Variants in DLG1 observed in about 807,000 individuals in gnomAD.
The protein encoded by DLG1 is disks large homolog 1.
A neutral mutation model predicts 123.4 loss-of-function variants in DLG1; 42 were observed. The observed-to-expected ratio is 0.34, with a 90% CI of 0.27 to 0.44. DLG1 has a LOEUF of 0.44. Among genes scored for constraint, DLG1 ranks in the 20% least tolerant of loss-of-function variants. The probability of loss-of-function intolerance (pLI) is 1.00; values close to 1 mark genes in which losing one functional copy is unlikely to be tolerated. For missense variants in DLG1, 942 were observed against 1,082.6 expected, an observed-to-expected ratio of 0.87 and a Z score of 1.82; for synonymous variants, 317 against 356.2, an observed-to-expected ratio of 0.89 and a Z score of 1.24.
chr3:197,259,672 A>C (rs1758476287), intron 4 of DLG1, among the ~76,000 whole-genome samples: 1 of 152,192 alleles, frequency 6.6e-6, no homozygotes, highest in African/African-American at 2.4e-5. Flanking sequence ...AAATAAAAGA[A>C]GCCAAACTTA....
chr3:197,163,687 A>ATTTTTTTTTTTTTTTTTTTTTTTTT (rs56865627), intron 5 of DLG1, among the ~76,000 whole-genome samples: 1 of 102,034 alleles, frequency 9.8e-6, no homozygotes, highest in Non-Finnish European at 1.9e-5. Flanking sequence ...ATGCTCAGCT[A>ATTTTTTTTTTTTTTTTTTTTTTTTT]TTTTTTTTTT....
At chr3:197,258,053 A>C (rs1213942751) in intron 4 of DLG1, among the ~76,000 whole-genome samples, 2 of 152,226 alleles carry the variant, frequency 1.3e-5, no homozygotes, top group South Asian at 4.1e-4. Context: ...AGTACATAAA[A>C]ATGTATATAA....
chr3:197,157,526 T>C (rs1796907039), intron 5 of DLG1, among the ~76,000 whole-genome samples: 1 of 152,078 alleles, frequency 6.6e-6, no homozygotes, highest in Non-Finnish European at 1.5e-5. Context: ...CTATAAAACA[T>C]GTATGAAAGA....
At chr3:197,113,874 T>C (rs1273747884) in intron 13 of DLG1, among the ~76,000 whole-genome samples, 2 of 152,174 alleles carry the variant, frequency 1.3e-5, no homozygotes, top group Non-Finnish European at 2.9e-5. Flanking sequence ...TTTCAGCTTC[T>C]TGGGAGGCTC....
chr3:197,183,970 T>C, intron 5 of DLG1: 1 of 1,425,288 alleles, frequency 7.0e-7, no homozygotes, highest in Non-Finnish European at 9.1e-7. Flanking sequence ...CAGTGATTTC[T>C]TCCTATGAAA....
At chr3:197,287,695 T>C (rs1772537531) in intron 3 of DLG1, among the ~76,000 whole-genome samples, 1 of 152,180 alleles carries the variant, frequency 6.6e-6, no homozygotes, top group East Asian at 1.9e-4. Flanking sequence ...AATTAAAGAC[T>C]TTCTTACAGC....
At chr3:197,154,978 G>A (rs925081741) in intron 5 of DLG1, among the ~76,000 whole-genome samples, 4 of 152,164 alleles carry the variant, frequency 2.6e-5, no homozygotes, top group African/African-American at 9.7e-5. Context: ...CATTGTGGGA[G>A]TTGCATGAGA....
chr3:197,180,069 G>GC (rs1491063051), intron 5 of DLG1, among the ~76,000 whole-genome samples: 2 of 39,512 alleles, frequency 5.1e-5, no homozygotes, highest in African/African-American at 1.7e-4. Flanking sequence ...TTTTTTTTTG[G>GC]GGGGGGGGGG....
intron 16 of DLG1, among the ~76,000 whole-genome samples, chr3:197,081,635 T>C (rs1751187937): frequency 6.6e-6 from 1 of 152,058 alleles, no homozygotes; most frequent in South Asian, 2.1e-4. Context: ...TTAAGCCTAA[T>C]TTTAATGATA....
Position 197,262,657 on chromosome 3 carries a change from T to G in DLG1, c.318+20022A>C, listed in dbSNP as rs1759922564. ...GACACTATACTTCAGAGACTACTACTATCTCCAAGTAGACACTGCCAGAAC... is the reference window on the plus strand; with the variant it reads ...GACACTATACTTCAGAGACTACTACGATCTCCAAGTAGACACTGCCAGAAC... On this transcript the variant is annotated intron_variant, in intron 4 of 24. Transcript: ENST00000667157. Among the ~76,000 whole-genome samples the G allele has an allele frequency of 3.3e-5, 5 of 152,298 alleles. No homozygotes were observed. The South Asian group carries it at 1.0e-3, about 32-fold the overall frequency.
rs138895581 is a variant in DLG1, at chr3:197,143,097, T to C, written c.538-329A>G. On this transcript the variant is annotated intron_variant, in intron 6 of 24. Coordinates refer to ENST00000667157, the MANE Select transcript of DLG1 (RefSeq NM_001366207.1). ...TGTTTCTGATTTGAACACCTTAATT[T>C]TTTGGAAAATCATCACCTCTTCACT... Among the ~76,000 whole-genome samples, 1,482 of 152,270 alleles carry C rather than the reference T, an allele frequency of 9.7e-3. 18 individuals carry two copies. Among genetic ancestry groups the C allele is most frequent in the African/African-American group, 0.023 (961 of 41,550 alleles).
intron 16 of DLG1, among the ~76,000 whole-genome samples, chr3:197,084,157 A>C (rs144926468): frequency 4.5e-4 from 69 of 152,292 alleles, no homozygotes; most frequent in African/African-American, 1.6e-3. Flanking sequence ...CAAAAATACA[A>C]AATTTAAGTC....
At chr3:197,275,231 T>A (rs146605059) in intron 4 of DLG1, among the ~76,000 whole-genome samples, 2 of 151,342 alleles carry the variant, frequency 1.3e-5, no homozygotes, top group South Asian at 2.1e-4. Flanking sequence ...CCACTTAATA[T>A]GGCTATTATC....
Position 197,138,340 on chromosome 3 carries a change from T to G in DLG1, c.765A>C (p.Thr255=). The G allele has an allele frequency of 6.3e-7, 1 of 1,581,714 alleles. No homozygotes were observed. Among genetic ancestry groups the G allele is most frequent in the East Asian group, 2.3e-5 (1 of 44,122 alleles). Reference sequence around the variant, plus strand: ...TCAACGCTTCAACTGCTTTGCTATGTGTTACATCACGAACATCTACTTCAT... The same window carrying G: ...TCAACGCTTCAACTGCTTTGCTATGGGTTACATCACGAACATCTACTTCAT... ...RVNEVDVRDV[T]HSKAVEALKE... Residue 255 remains threonine (T), a synonymous_variant, in exon 9 of 25, where the codon ACA becomes ACC. Coordinates refer to ENST00000667157, the MANE Select transcript of DLG1 (RefSeq NM_001366207.1).
chr3:197,271,108 C>A (rs988062276), intron 4 of DLG1, among the ~76,000 whole-genome samples: 1 of 152,078 alleles, frequency 6.6e-6, no homozygotes, highest in Non-Finnish European at 1.5e-5. Context: ...CCAACAGTCA[C>A]CCCCAGATCT....
chr3:197,217,644 A>G (rs538695460), intron 4 of DLG1, among the ~76,000 whole-genome samples: 2 of 152,328 alleles, frequency 1.3e-5, no homozygotes, highest in Admixed American at 6.5e-5. Flanking sequence ...GACACAGATG[A>G]ATCTCAAAAT....
At chr3:197,255,046 G>C (rs942739391) in intron 4 of DLG1, among the ~76,000 whole-genome samples, 1 of 151,784 alleles carries the variant, frequency 6.6e-6, no homozygotes, top group Non-Finnish European at 1.5e-5. Context: ...ACAAGAGCGA[G>C]ATTCTGTCTC....
At chr3:197,239,786 C>T (rs1747900528) in intron 4 of DLG1, among the ~76,000 whole-genome samples, 1 of 146,672 alleles carries the variant, frequency 6.8e-6, no homozygotes, top group Non-Finnish European at 1.5e-5. Context: ...GATGTTATTA[C>T]CAGGAATATC....
chr3:197,056,147 T>C (rs1468798509), intron 23 of DLG1, among the ~76,000 whole-genome samples: 1 of 152,116 alleles, frequency 6.6e-6, no homozygotes, highest in African/African-American at 2.4e-5. Context: ...CTGATAAAAA[T>C]GGTGAACAGA....
Sources: gnomAD v4.1 joint callset for allele counts (sites outside exome capture counted in the v4.1 genomes callset) on GRCh38, gnomAD v4.1.1 for gene constraint, MANE v1.5 for transcripts, NCBI Gene and HGNC (gene_info 2026-07-23, HGNC 2026-07-21) for gene names.